The following ADGRV1 variants were observed in gnomAD, a reference collection of about 807,000 sequenced individuals.
ADGRV1 encodes the protein G-protein coupled receptor 98.
Under a neutral mutation model 596.2 loss-of-function variants are expected in ADGRV1, and 359 were observed. That is an observed-to-expected ratio of 0.60 (90% CI 0.55 to 0.66). ADGRV1 has a LOEUF of 0.66. Ranked by LOEUF, ADGRV1 falls within the 30% of genes least tolerant of loss-of-function variation. The pLI, the probability that ADGRV1 is intolerant of heterozygous loss-of-function variation, is 0.00. For synonymous variants in ADGRV1, 2,681 were observed against 2,679.2 expected (o/e 1.00, Z -0.02); for missense variants, 7,274 against 7,575.6 (o/e 0.96, Z 1.48).
intron 75 of ADGRV1, among the ~76,000 whole-genome samples, chr5:90,821,208 C>T (rs1428833274): frequency 6.7e-6 from 1 of 150,352 alleles, no homozygotes; most frequent in African/African-American, 2.4e-5. Context: ...TTGATCGCAT[C>T]GGCTCCTGAG....
At chr5:90,971,808 A>G (rs968782522) in intron 84 of ADGRV1, among the ~76,000 whole-genome samples, 8 of 152,218 alleles carry the variant, frequency 5.3e-5, no homozygotes, top group African/African-American at 1.7e-4. Flanking sequence ...AAGAAAAATA[A>G]TCAGCTAACA....
chr5:90,922,120 G>A (rs1378252919), intron 83 of ADGRV1, among the ~76,000 whole-genome samples: 1 of 152,170 alleles, frequency 6.6e-6, no homozygotes, highest in Non-Finnish European at 1.5e-5. Flanking sequence ...CCACACATAG[G>A]TTCATAAATG....
chr5:90,769,833 A>G (rs1757507111), intron 59 of ADGRV1, among the ~76,000 whole-genome samples: 1 of 152,220 alleles, frequency 6.6e-6, no homozygotes, highest in Non-Finnish European at 1.5e-5. Context: ...AGATGTACTT[A>G]TGAAAAATCT....
At chr5:91,146,781 G>GT (rs1795566759) in intron 87 of ADGRV1, among the ~76,000 whole-genome samples, 1 of 152,198 alleles carries the variant, frequency 6.6e-6, no homozygotes, top group Non-Finnish European at 1.5e-5. Context: ...AAAACAAAAT[G>GT]TACATAGCTA....
chr5:90,686,443 C>T (rs919866190), intron 29 of ADGRV1, among the ~76,000 whole-genome samples: 1 of 152,046 alleles, frequency 6.6e-6, no homozygotes, highest in African/African-American at 2.4e-5. Context: ...CACTTCCCAC[C>T]TATGAGTGAG....
chr5:91,042,060 T>A (rs1785407610), intron 85 of ADGRV1, among the ~76,000 whole-genome samples: 1 of 152,180 alleles, frequency 6.6e-6, no homozygotes, highest in Admixed American at 6.5e-5. Context: ...AGGCTCTTAG[T>A]TTTATTGATT....
At chr5:90,752,812 A>G (rs369467024) in intron 53 of ADGRV1, among the ~76,000 whole-genome samples, 3 of 152,340 alleles carry the variant, frequency 2.0e-5, no homozygotes, top group East Asian at 3.9e-4. Context: ...ATGTCCATCA[A>G]TGATAGACTG....
chr5:90,713,070 C>T (rs867374321), intron 42 of ADGRV1, among the ~76,000 whole-genome samples: 9 of 151,990 alleles, frequency 5.9e-5, no homozygotes, highest in South Asian at 2.1e-4. Context: ...AAGTCACTTC[C>T]GTTCATTCTG....
At chr5:90,910,559 CTAT>C (rs747972751) in intron 83 of ADGRV1, among the ~76,000 whole-genome samples, 826 of 28,320 alleles carry the variant, frequency 0.029, 5 homozygotes, top group Non-Finnish European at 0.08. Context: ...TATTATCTAT[CTAT>C]CTATCTATCT....
chr5:90,918,634 A>G (rs764165619), intron 83 of ADGRV1, among the ~76,000 whole-genome samples: 2 of 152,198 alleles, frequency 1.3e-5, no homozygotes, highest in Non-Finnish European at 2.9e-5. Flanking sequence ...TACACTGTAA[A>G]TAATAATAAG....
At chr5:91,162,451 C>T (rs1391589894) in intron 89 of ADGRV1, among the ~76,000 whole-genome samples, 1 of 152,044 alleles carries the variant, frequency 6.6e-6, no homozygotes, top group African/African-American at 2.4e-5. Context: ...ACCTGCTGCT[C>T]CGTGTCCTGA....
chr5:90,941,019 A>G (rs1446548831), intron 83 of ADGRV1, among the ~76,000 whole-genome samples: 1 of 152,116 alleles, frequency 6.6e-6, no homozygotes, highest in African/African-American at 2.4e-5. Flanking sequence ...CCTCCCATTT[A>G]GAACTGAATG....
chr5:91,128,506 AAATGTTT>A (rs1459410663), intron 87 of ADGRV1, among the ~76,000 whole-genome samples: 6 of 152,180 alleles, frequency 3.9e-5, no homozygotes, highest in Non-Finnish European at 8.8e-5. Flanking sequence ...TGTTCTCAGT[AAATGTTT>A]AATGATTGAA....
intron 82 of ADGRV1, 77 bp downstream of exon 82, chr5:90,855,978 C>T (rs140039800): frequency 3.9e-5 from 47 of 1,189,988 alleles, no homozygotes; most frequent in South Asian, 5.4e-5. Flanking sequence ...AATCCTTTTA[C>T]GTATGCAAGA....
intron 85 of ADGRV1, among the ~76,000 whole-genome samples, chr5:91,045,402 G>A (rs1785715845): frequency 6.6e-6 from 1 of 152,150 alleles, no homozygotes; most frequent in African/African-American, 2.4e-5. Context: ...GTCAATAAAT[G>A]TGGTATGCCA....
At chr5:90,595,544 G>C (rs1176966419) in intron 1 of ADGRV1, among the ~76,000 whole-genome samples, 1 of 130,732 alleles carries the variant, frequency 7.6e-6, no homozygotes, top group Non-Finnish European at 1.6e-5. Flanking sequence ...CCTGGACGGG[G>C]CGGCTGGCCG....
At chr5:90,854,282 C>T in intron 81 of ADGRV1, 81 bp downstream of exon 81, 1 of 996,390 alleles carries the variant, frequency 1.0e-6, no homozygotes, top group Non-Finnish European at 1.4e-6. Context: ...TTGTACTGAG[C>T]ATAGATGGTG....
intron 75 of ADGRV1, among the ~76,000 whole-genome samples, chr5:90,819,670 T>C (rs1441169353): frequency 1.3e-5 from 2 of 151,720 alleles, no homozygotes; most frequent in East Asian, 1.9e-4. Context: ...CATTTCGTTA[T>C]GTATCCAGTA....
At chr5:91,115,002 A>G (rs965365483) in intron 87 of ADGRV1, among the ~76,000 whole-genome samples, 1 of 152,164 alleles carries the variant, frequency 6.6e-6, no homozygotes, top group African/African-American at 2.4e-5. Context: ...TGTAAACTAG[A>G]AAGTCCCTCA....
Sources: gnomAD v4.1 joint callset for allele counts (sites outside exome capture counted in the v4.1 genomes callset) on GRCh38, gnomAD v4.1.1 for gene constraint, MANE v1.5 for transcripts, NCBI Gene and HGNC (gene_info 2026-07-23, HGNC 2026-07-21) for gene names.